SORL1: variants seen among roughly 807,000 people sequenced by gnomAD.
SORL1 encodes the protein sortilin-related receptor.
A neutral mutation model predicts 273.7 loss-of-function variants in SORL1; 127 were observed. The ratio of observed to expected loss-of-function variants is 0.46; its 90% CI spans 0.40 to 0.54. The LOEUF (loss-of-function observed/expected upper bound fraction) is 0.54. Among genes scored for constraint, SORL1 ranks in the 20% least tolerant of loss-of-function variants. SORL1 has a pLI of 0.00. For synonymous variants in SORL1, 1,031 were observed against 1,067.4 expected (o/e 0.97, Z 0.66); for missense variants, 2,494 against 2,846.1 (o/e 0.88, Z 2.81).
In SORL1 at chr11:121,580,335, CTG is replaced by C. The variant is rs139847428; in HGVS notation, c.3580+2938_3580+2939del. ...TTATATTTGCTGTCTCTTTATGACT[CTG>C]TGCTAGAATCTGAGCGACTTCTCTA... On this transcript the variant is annotated intron_variant, in intron 25 of 47. Coordinates refer to ENST00000260197, the MANE Select transcript of SORL1 (RefSeq NM_003105.6). Among the ~76,000 whole-genome samples the C allele has an allele frequency of 1.2e-3, 176 of 152,288 alleles. No homozygotes were observed. In the East Asian group the frequency reaches 0.032, roughly 28 times the overall value.
intron 33 of SORL1, 115 bp from the exon 34 acceptor site, chr11:121,604,998 T>A: frequency 1.3e-6 from 1 of 772,632 alleles, no homozygotes; most frequent in Non-Finnish European, 2.1e-6. Flanking sequence ...CTCGAACTCC[T>A]GAGCTCAGGC....
chr11:121,609,788 C>T (rs771571266), intron 38 of SORL1: 2 of 152,206 alleles, frequency 1.3e-5, no homozygotes, highest in Non-Finnish European at 2.9e-5. Context: ...ATTCCCTGAG[C>T]ACTTCTTATA....
At chr11:121,484,354 G>A (rs1367504672) in intron 3 of SORL1, among the ~76,000 whole-genome samples, 1 of 152,202 alleles carries the variant, frequency 6.6e-6, no homozygotes, top group Non-Finnish European at 1.5e-5. Context: ...TGAGGATGAA[G>A]AAGACCCATT....
chr11:121,559,240 C>T (rs1470020893), intron 20 of SORL1, among the ~76,000 whole-genome samples: 1 of 152,168 alleles, frequency 6.6e-6, no homozygotes, highest in Non-Finnish European at 1.5e-5. Flanking sequence ...CATGGCTCTT[C>T]CCAACTCTGG....
chr11:121,491,655 C>T (rs1319444918), intron 5 of SORL1, among the ~76,000 whole-genome samples: 3 of 152,222 alleles, frequency 2.0e-5, no homozygotes, highest in Non-Finnish European at 4.4e-5. Context: ...ATCAGGAAAT[C>T]CTATTGGCTT....
chr11:121,548,842 C>T (rs1862469082), intron 14 of SORL1, among the ~76,000 whole-genome samples: 2 of 152,188 alleles, frequency 1.3e-5, no homozygotes, highest in African/African-American at 4.8e-5. Context: ...GCTGGGATTA[C>T]AGGCGTGAGC....
intron 22 of SORL1, 56 bp from the exon 23 acceptor site, chr11:121,570,101 C>A: frequency 8.7e-7 from 1 of 1,150,892 alleles, no homozygotes; most frequent in South Asian, 1.3e-5. Context: ...ACCTGTGGTC[C>A]AGCAGTAAGA....
intron 40 of SORL1, chr11:121,614,440 T>G (rs1863611116): frequency 6.0e-6 from 1 of 166,046 alleles, no homozygotes; most frequent in Non-Finnish European, 1.3e-5. Flanking sequence ...GCACATTATT[T>G]AATTATTATC....
chr11:121,533,428 A>C (rs949988059), intron 12 of SORL1, among the ~76,000 whole-genome samples: 2 of 152,200 alleles, frequency 1.3e-5, no homozygotes, highest in Non-Finnish European at 2.9e-5. Flanking sequence ...ATTGTTCTGA[A>C]AAGCAAAACT....
chr11:121,522,874 A>T (rs749604814), intron 10 of SORL1, 42 bp from the exon 11 acceptor site: 29 of 1,544,352 alleles, frequency 1.9e-5, no homozygotes, highest in Non-Finnish European at 2.3e-5. Flanking sequence ...ATTATCTGAC[A>T]TATTCTTGAA....
Position 121,615,127 on chromosome 11 carries a change from C to T in SORL1, c.5604+72C>T, listed in dbSNP as rs1591354720. ...CTAATGCTACGCCACCACACAACTCCAGGGCTTTTCTCTCTTTTGCAAATG... is the reference window on the plus strand; with the variant it reads ...CTAATGCTACGCCACCACACAACTCTAGGGCTTTTCTCTCTTTTGCAAATG... On this transcript the variant is annotated intron_variant, in intron 41 of 47. Coordinates refer to ENST00000260197, the MANE Select transcript of SORL1 (RefSeq NM_003105.6). 3 of 1,265,496 alleles carry T rather than the reference C, an allele frequency of 2.4e-6. No homozygotes were observed. The East Asian group carries it at 7.5e-5, about 32-fold the overall frequency. 78.4% of individuals were successfully genotyped at this position (1,265,496 alleles called of 1,614,324 possible).
At chr11:121,523,788 G>A (rs989291621) in intron 11 of SORL1, among the ~76,000 whole-genome samples, 3 of 152,122 alleles carry the variant, frequency 2.0e-5, no homozygotes, top group Admixed American at 2.0e-4. Context: ...GAGCAGCCCC[G>A]CAGGCTGGGC....
At chr11:121,469,232 A>G (rs1591546863) in intron 1 of SORL1, among the ~76,000 whole-genome samples, 1 of 152,154 alleles carries the variant, frequency 6.6e-6, no homozygotes, top group Admixed American at 6.5e-5. Context: ...CTTCTCTCAC[A>G]TTACACCTGC....
At chr11:121,566,081 T>C (rs1008692105) in intron 21 of SORL1, among the ~76,000 whole-genome samples, 2 of 152,138 alleles carry the variant, frequency 1.3e-5, no homozygotes, top group Admixed American at 6.5e-5. Flanking sequence ...AGGTGTATGT[T>C]CTAATTAAGG....
chr11:121,610,475 G>A (rs1274247435), intron 38 of SORL1: 1 of 152,276 alleles, frequency 6.6e-6, no homozygotes, highest in Non-Finnish European at 1.5e-5. Context: ...GAGAGTATCA[G>A]TTGAGTGCTA....
intron 12 of SORL1, among the ~76,000 whole-genome samples, chr11:121,535,528 G>A (rs992352197): frequency 2.0e-5 from 3 of 152,218 alleles, no homozygotes; most frequent in Non-Finnish European, 2.9e-5. Flanking sequence ...GAGAGGCTGG[G>A]AGGAGGGGGT....
intron 16 of SORL1, among the ~76,000 whole-genome samples, chr11:121,552,842 C>G (rs958335808): frequency 6.6e-6 from 1 of 152,182 alleles, no homozygotes; most frequent in Non-Finnish European, 1.5e-5. Flanking sequence ...CAAAAGAATT[C>G]CGATTTGCAT....
intron 1 of SORL1, among the ~76,000 whole-genome samples, chr11:121,460,048 A>AT (rs1860971123): frequency 6.6e-6 from 1 of 152,208 alleles, no homozygotes; most frequent in South Asian, 2.1e-4. Context: ...GGCTGATGTG[A>AT]TTATATCCCA....
intron 12 of SORL1, among the ~76,000 whole-genome samples, chr11:121,539,355 G>A (rs1313901340): frequency 6.6e-6 from 1 of 152,154 alleles, no homozygotes; most frequent in Non-Finnish European, 1.5e-5. Context: ...CAAATAAACT[G>A]TTTCATAATC....
Sources: gnomAD v4.1 joint callset for allele counts (sites outside exome capture counted in the v4.1 genomes callset) on GRCh38, gnomAD v4.1.1 for gene constraint, MANE v1.5 for transcripts, NCBI Gene and HGNC (gene_info 2026-07-23, HGNC 2026-07-21) for gene names.